The following USP6NL variants were observed in gnomAD, a reference collection of about 807,000 sequenced individuals.
The protein encoded by USP6NL is USP6 N-terminal like.
USP6NL carries 26 observed loss-of-function variants against 61.9 expected under a neutral mutation model. The observed-to-expected ratio is 0.42, with a 90% CI of 0.31 to 0.58. USP6NL has a LOEUF of 0.58. Ranked by LOEUF, USP6NL falls within the 20% of genes least tolerant of loss-of-function variation. The pLI is 0.16. For synonymous variants in USP6NL, 432 were observed against 390.1 expected, an observed-to-expected ratio of 1.11 and a Z score of -1.27; for missense variants, 1,114 against 1,034.3, an observed-to-expected ratio of 1.08 and a Z score of -1.06.
chr10:11,543,803 GTTTTTTT>G (rs781443038), intron 2 of USP6NL, among the ~76,000 whole-genome samples: 1 of 76,362 alleles, frequency 1.3e-5, no homozygotes, highest in African/African-American at 4.5e-5. Context: ...AAATATTTAG[GTTTTTTT>G]TTTTTTTTTT....
chr10:11,511,757 A>G lies in USP6NL; in HGVS notation c.196-2082T>C, dbSNP rs1343069159. Reference sequence around the variant, plus strand: ...AAGAACAAAACACACACATACACATACAAAAAAAATTAAGGATCATTAAGT... The same window carrying G: ...AAGAACAAAACACACACATACACATGCAAAAAAAATTAAGGATCATTAAGT... On this transcript the variant is annotated intron_variant, in intron 5 of 14. Transcript: ENST00000609104. This position sits in a 1 kb window ranked among gnomAD's most constrained non-coding sequence, Gnocchi z 4.9. Among the ~76,000 whole-genome samples the G allele has an allele frequency of 6.6e-6, 1 of 152,138 alleles. No individual in the cohort carries two copies. Among genetic ancestry groups the G allele is most frequent in the Non-Finnish European group, 1.5e-5 (1 of 68,028 alleles).
chr10:11,538,040 T>G (rs1032398389), intron 2 of USP6NL, among the ~76,000 whole-genome samples: 1 of 152,226 alleles, frequency 6.6e-6, no homozygotes, highest in African/African-American at 2.4e-5. Flanking sequence ...ATAGAGCACC[T>G]TGCGTCAGGT....
rs1017473929 is a variant in USP6NL, at chr10:11,461,489, G to A, written c.*952C>T. On this transcript the variant is annotated 3_prime_UTR_variant, in exon 15 of 15. Transcript: ENST00000609104. ...GGACCTTCGTGGGGAGAAGCCATGT[G>A]AGTCGAGGCAGAAGAAAGAAGTAAC... 2 of 152,214 alleles carry A rather than the reference G, an allele frequency of 1.3e-5. No individual in the cohort carries two copies. The highest frequency in any genetic ancestry group is 6.5e-5 in the Admixed American group (1 of 15,284). 9.4% of individuals were successfully genotyped at this position (152,214 alleles called of 1,614,324 possible).
chr10:11,547,783 G>T (rs1054621599), intron 2 of USP6NL, among the ~76,000 whole-genome samples: 1 of 151,936 alleles, frequency 6.6e-6, no homozygotes, highest in Admixed American at 6.6e-5. Context: ...CTCGTGATCC[G>T]CCCGCCTTGG....
At chr10:11,517,136 T>G (rs1227086005) in intron 5 of USP6NL, among the ~76,000 whole-genome samples, 1 of 152,262 alleles carries the variant, frequency 6.6e-6, no homozygotes, top group South Asian at 2.1e-4. Context: ...AAAGACACTG[T>G]AACACTTGAA....
chr10:11,486,808 A>G (rs1266228598), intron 10 of USP6NL, among the ~76,000 whole-genome samples: 3 of 152,188 alleles, frequency 2.0e-5, no homozygotes, highest in Non-Finnish European at 2.9e-5. Flanking sequence ...TCTTTCACTC[A>G]GTCTCCCACA....
In USP6NL at chr10:11,595,725, A is replaced by T; in HGVS notation, c.4+1906T>A. On this transcript the variant is annotated intron_variant, in intron 2 of 14. Transcript: ENST00000609104. The surrounding 1 kb of genome is among the most constrained non-coding windows in gnomAD (Gnocchi z 5.3). ...GCCTGCAAATTACAGAACATGATGAAAATATCAACAATCAAAACATAAATT... is the reference window on the plus strand; with the variant it reads ...GCCTGCAAATTACAGAACATGATGATAATATCAACAATCAAAACATAAATT... 6.6e-6 allele frequency among the ~76,000 whole-genome samples: 1 copy of T among 152,238 alleles called. No individual in the cohort carries two copies. The highest frequency in any genetic ancestry group is 1.9e-4 in the East Asian group (1 of 5,198).
chr10:11,594,753 C>T (rs2133655114), intron 2 of USP6NL, among the ~76,000 whole-genome samples: 1 of 152,230 alleles, frequency 6.6e-6, no homozygotes, highest in East Asian at 1.9e-4. Context: ...CACAGAATAG[C>T]TCCTGCATAC....
Position 11,532,679 on chromosome 10 carries a change from T to A in USP6NL, c.5-5112A>T, listed in dbSNP as rs76886748. Among the ~76,000 whole-genome samples, 2,222 of 152,270 alleles carry A rather than the reference T, an allele frequency of 0.015. 57 individuals carry two copies. The highest frequency in any genetic ancestry group is 0.049 in the African/African-American group (2,051 of 41,536). Reference sequence around the variant, plus strand: ...AACTTGTCACAGAGCAACAAAAAAATTTTTATTTAAAACATTAAAGCTAAC... The same window carrying A: ...AACTTGTCACAGAGCAACAAAAAAAATTTTATTTAAAACATTAAAGCTAAC... On this transcript the variant is annotated intron_variant, in intron 2 of 14. Transcript: ENST00000609104. This position sits in a 1 kb window ranked among gnomAD's most constrained non-coding sequence, Gnocchi z 4.1.
At chr10:11,545,686 C>T (rs1214640558) in intron 2 of USP6NL, among the ~76,000 whole-genome samples, 1 of 150,676 alleles carries the variant, frequency 6.6e-6, no homozygotes, top group Non-Finnish European at 1.5e-5. Flanking sequence ...GTAGGCCATA[C>T]TACAACTTTC....
chr10:11,484,411 T>C (rs1423902954), intron 13 of USP6NL, among the ~76,000 whole-genome samples: 6 of 148,866 alleles, frequency 4.0e-5, no homozygotes, highest in Non-Finnish European at 8.9e-5. Flanking sequence ...TTTTTTTTTT[T>C]AATCTTGCTC....
chr10:11,605,042 A>G (rs112790011), intron 1 of USP6NL, among the ~76,000 whole-genome samples: 174 of 152,292 alleles, frequency 1.1e-3, no homozygotes, highest in African/African-American at 3.9e-3. Context: ...ATTAGTGTAC[A>G]TTATATGTGT....
rs1832865576 is a variant in USP6NL, at chr10:11,474,001, T to A, written c.1078+7769A>T. On this transcript the variant is annotated intron_variant, in intron 14 of 14. Transcript: ENST00000609104. This position sits in a 1 kb window ranked among gnomAD's most constrained non-coding sequence, Gnocchi z 4.9. ...ACAAAGCCATCTCGCAGGCACCACC[T>A]TCGAGATAATAAAGGCGGTGCCACC... 6.6e-6 allele frequency among the ~76,000 whole-genome samples: 1 copy of A among 152,106 alleles called. No homozygotes were observed. The highest frequency in any genetic ancestry group is 2.1e-4 in the South Asian group (1 of 4,820).
At position 11,553,959 on chromosome 10, in the gene USP6NL, A is replaced by G. The variant is rs1836588948; in HGVS notation, c.5-26392T>C. 6.6e-6 allele frequency among the ~76,000 whole-genome samples: 1 copy of G among 151,940 alleles called. No homozygotes were observed. Among genetic ancestry groups the G allele is most frequent in the South Asian group, 2.1e-4 (1 of 4,814 alleles). ...GTCTCTCCTGATGTCTAAGAAATCT[A>G]GATATAAGTCATCCAGGTCTGATAT... On this transcript the variant is annotated intron_variant, in intron 2 of 14. Transcript: ENST00000609104. This position sits in a 1 kb window ranked among gnomAD's most constrained non-coding sequence, Gnocchi z 4.8.
chr10:11,580,817 G>A (rs902678854), intron 2 of USP6NL, among the ~76,000 whole-genome samples: 1 of 152,100 alleles, frequency 6.6e-6, no homozygotes, highest in Middle Eastern at 3.2e-3. Context: ...TTCACTCGTT[G>A]GATGGATGGA....
rs1438181108 is a variant in USP6NL at position 11,513,317 on chromosome 10, G to A, written c.196-3642C>T. ...AGTAACCAGAAGTTAATAATATCCC[G>A]TATGTGGCAGAATGGTAGAAATGGA... On this transcript the variant is annotated intron_variant, in intron 5 of 14. Transcript: ENST00000609104. The surrounding 1 kb of genome is among the most constrained non-coding windows in gnomAD (Gnocchi z 4.7). Among the ~76,000 whole-genome samples, 8 of 152,188 alleles carry A rather than the reference G, an allele frequency of 5.3e-5. No individual in the cohort carries two copies. Among genetic ancestry groups the A allele is most frequent in the Non-Finnish European group, 1.0e-4 (7 of 68,028 alleles).
At chr10:11,542,498 C>T (rs1836107134) in intron 2 of USP6NL, among the ~76,000 whole-genome samples, 1 of 152,156 alleles carries the variant, frequency 6.6e-6, no homozygotes, top group African/African-American at 2.4e-5. Context: ...GCAGGTAGAT[C>T]ACCTAAGGCC....
intron 13 of USP6NL, among the ~76,000 whole-genome samples, chr10:11,484,397 T>G (rs1833369794): frequency 1.2e-5 from 1 of 84,336 alleles, no homozygotes. Context: ...AATTCTCCAG[T>G]TTTTTTTTTT....
intron 6 of USP6NL, among the ~76,000 whole-genome samples, chr10:11,501,902 A>G (rs541688936): frequency 2.6e-4 from 39 of 152,314 alleles, no homozygotes; most frequent in Admixed American, 5.2e-4. Flanking sequence ...CTGATAAGAC[A>G]AAAACAACGA....
Sources: allele counts gnomAD v4.1 joint callset (sites outside exome capture counted in the v4.1 genomes callset), GRCh38; gene constraint gnomAD v4.1.1; non-coding constraint Gnocchi (gnomAD v3.1); transcripts MANE v1.5; gene names NCBI Gene and HGNC (gene_info 2026-07-23, HGNC 2026-07-21).